Variants in SEC22B observed in about 807,000 individuals in gnomAD.
SEC22B encodes SEC22 homolog B, vesicle trafficking protein.
SEC22B carries 10 observed loss-of-function variants against 31.4 expected under a neutral mutation model. That is an observed-to-expected ratio of 0.32 (90% confidence interval 0.20 to 0.54). The LOEUF is 0.54. SEC22B is among the 20% of genes least tolerant of loss of function. The pLI is 0.94. For missense variants in SEC22B, 130 were observed against 263.4 expected (o/e 0.49, Z 3.50); for synonymous variants, 60 against 95.9 (o/e 0.63, Z 2.19).
intron 2 of SEC22B, among the ~76,000 whole-genome samples, chr1:120,165,300 C>T (rs1657789110): frequency 6.6e-6 from 1 of 152,020 alleles, no homozygotes; most frequent in South Asian, 2.1e-4. Context: ...ACTAATAAGA[C>T]TCCTTAATTT....
chr1:120,168,552 G>C (rs1226723815), intron 2 of SEC22B, among the ~76,000 whole-genome samples: 7 of 151,186 alleles, frequency 4.6e-5, no homozygotes, highest in Admixed American at 2.0e-4. Context: ...TTTGAGCAAG[G>C]GTACTAACCT....
At chr1:120,171,127 C>T (rs1331693619) in intron 1 of SEC22B, among the ~76,000 whole-genome samples, 1 of 132,230 alleles carries the variant, frequency 7.6e-6, no homozygotes, top group East Asian at 2.1e-4. Flanking sequence ...TACTTATGCC[C>T]AGTCTCCACC....
Position 120,163,271 on chromosome 1 carries a change from A to G in SEC22B, c.285T>C (p.Phe95=), listed in dbSNP as rs1273751984. The part of the protein sequence containing the change: ...FAYLEDLHSE[F]DEQHGKKVPT... The stretch of plus-strand genomic sequence containing the variant: ...GCACCTTCTTTCCATGCTGTTCATC[A>G]AATTCTGAGTGCAAATCTTCTAGGT... The change falls in exon 3 of 5, where the codon TTT becomes TTC. Residue 95 remains phenylalanine (F), a synonymous_variant. Coordinates refer to ENST00000578049, the MANE Select transcript of SEC22B (RefSeq NM_004892.6). The G allele has an allele frequency of 6.3e-7, 1 of 1,598,186 alleles. No individual in the cohort carries two copies. The highest frequency in any genetic ancestry group is 2.2e-5 in the East Asian group (1 of 44,590).
At chr1:120,169,979 T>C (rs1657869498) in intron 1 of SEC22B, among the ~76,000 whole-genome samples, 1 of 151,916 alleles carries the variant, frequency 6.6e-6, no homozygotes, top group Non-Finnish European at 1.5e-5. Flanking sequence ...ATGTGATTAG[T>C]ACCTTTATAA....
Position 120,151,324 on chromosome 1 carries a change from G to GA in SEC22B, c.*5713dup, listed in dbSNP as rs1657531749. The GA allele has an allele frequency of 6.6e-6, 1 of 152,212 alleles. No individual in the cohort carries two copies. Among genetic ancestry groups the GA allele is most frequent in the African/African-American group, 2.4e-5 (1 of 41,428 alleles). 9.4% of individuals were successfully genotyped at this position (152,212 alleles called of 1,614,324 possible). ...GAATGGCACAATGGGGCCAGACTGC[G>GA]AATGGCAAACAAGTATGTGATCTTT... is the stretch of plus-strand genomic sequence containing the variant. On this transcript the variant is annotated 3_prime_UTR_variant, in exon 5 of 5. Transcript: ENST00000578049.
At chr1:120,175,435 T>C (rs1657941201) in intron 1 of SEC22B, among the ~76,000 whole-genome samples, 1 of 144,836 alleles carries the variant, frequency 6.9e-6, no homozygotes, top group Non-Finnish European at 1.5e-5. Flanking sequence ...TTAGACTGTA[T>C]GGAAAAGTAA....
chr1:120,152,177 TGAA>T lies in SEC22B; in HGVS notation c.*4858_*4860del, dbSNP rs1657555037. 3 of 151,348 alleles carry T rather than the reference TGAA, an allele frequency of 2.0e-5. No homozygotes were observed. In the South Asian group the frequency reaches 6.3e-4, roughly 32 times the overall value. The allele number at this position is 151,348 out of a possible 1,614,324, so 9.4% of individuals were successfully genotyped here. A position where few individuals can be genotyped will look rare whatever the true frequency, so the allele number is the denominator to read the frequency against. On this transcript the variant is annotated 3_prime_UTR_variant, in exon 5 of 5. Coordinates refer to ENST00000578049, the MANE Select transcript of SEC22B (RefSeq NM_004892.6). ...AGACAAACTAGAGGAGCTTGTTTCT[TGAA>T]GAATTCTTGTCACACTTGACATTTT... is the stretch of plus-strand genomic sequence containing the variant.
intron 1 of SEC22B, among the ~76,000 whole-genome samples, chr1:120,176,067 CT>C (rs1271411847): frequency 2.0e-5 from 3 of 152,236 alleles, no homozygotes; most frequent in Admixed American, 2.0e-4. Context: ...AAAGCTACCA[CT>C]TCTCCAGAGC....
At chr1:120,163,490 G>C in intron 2 of SEC22B, 120 bp from the exon 3 acceptor site, 1 of 517,766 alleles carries the variant, frequency 1.9e-6, no homozygotes, top group Non-Finnish European at 2.9e-6. Context: ...ATACTTTGAG[G>C]CTGGCTAAAC....
chr1:120,157,417 C>A, intron 4 of SEC22B: 1 of 333,482 alleles, frequency 3.0e-6, no homozygotes, highest in East Asian at 4.5e-5. Flanking sequence ...CAGGTTCTGG[C>A]CTCAGACTCT....
In SEC22B at chr1:120,176,440, TC is replaced by T; in HGVS notation, c.-60del. 6.8e-7 allele frequency: 1 copy of T among 1,474,934 alleles called. No homozygotes were observed. Among genetic ancestry groups the T allele is most frequent in the Non-Finnish European group, 9.4e-7 (1 of 1,060,274 alleles). 91.4% of individuals were successfully genotyped at this position (1,474,934 alleles called of 1,614,324 possible). On this transcript the variant is annotated 5_prime_UTR_variant, in exon 1 of 5. Coordinates refer to ENST00000578049, the MANE Select transcript of SEC22B (RefSeq NM_004892.6). ...GAAGGCCCTTGGCGCCGTCCTCACT[TC>T]CTCCGCCGCGACAACAGTTATACCC...
At chr1:120,167,152 C>A (rs1383739828) in intron 2 of SEC22B, among the ~76,000 whole-genome samples, 3 of 150,282 alleles carry the variant, frequency 2.0e-5, no homozygotes, top group African/African-American at 7.4e-5. Context: ...TGCTTTTAGT[C>A]TACACCATCT....
chr1:120,155,200 G>A lies in SEC22B; in HGVS notation c.*1838C>T, dbSNP rs1223687660. ...TAACTAGATAACAAAACTTCACACT[G>A]AAGTGAACATTCTACAAGTATTTAT... On this transcript the variant is annotated 3_prime_UTR_variant, in exon 5 of 5. Coordinates refer to ENST00000578049, the MANE Select transcript of SEC22B (RefSeq NM_004892.6). 6.6e-6 allele frequency: 1 copy of A among 151,994 alleles called. No homozygotes were observed. The highest frequency in any genetic ancestry group is 1.5e-5 in the Non-Finnish European group (1 of 67,954). 9.4% of individuals were successfully genotyped at this position (151,994 alleles called of 1,614,324 possible).
At chr1:120,167,666 G>A (rs1254915293) in intron 2 of SEC22B, among the ~76,000 whole-genome samples, 11 of 151,808 alleles carry the variant, frequency 7.2e-5, no homozygotes, top group Non-Finnish European at 1.3e-4. Context: ...TCTACTAAGA[G>A]AACAGTGTTA....
intron 2 of SEC22B, among the ~76,000 whole-genome samples, chr1:120,163,764 C>T (rs1233720329): frequency 7.9e-5 from 12 of 151,004 alleles, no homozygotes; most frequent in South Asian, 4.2e-4. Context: ...TTAGTAGAGA[C>T]GGGGTTTCAC....
At chr1:120,160,744 C>T (rs1464913304) in intron 3 of SEC22B, among the ~76,000 whole-genome samples, 1 of 151,982 alleles carries the variant, frequency 6.6e-6, no homozygotes, top group Non-Finnish European at 1.5e-5. Flanking sequence ...AAAAAGTTAG[C>T]CAGGCGTGGC....
In SEC22B at chr1:120,160,902, A is replaced by C. The variant is rs1423614326; in HGVS notation, c.347-372T>G. 6.6e-5 allele frequency among the ~76,000 whole-genome samples: 10 copies of C among 151,902 alleles called. No individual in the cohort carries two copies. The East Asian group carries it at 1.5e-3, about 23-fold the overall frequency. ...GCAAGACTCTGTCTCAAAAACAAAA[A>C]AAAAAAAACCAAAACAGTTCTGAGT... is the stretch of plus-strand genomic sequence containing the variant. On this transcript the variant is annotated intron_variant, in intron 3 of 4. Transcript: ENST00000578049.
At chr1:120,160,091 A>G (rs1657688522) in intron 4 of SEC22B, among the ~76,000 whole-genome samples, 1 of 147,960 alleles carries the variant, frequency 6.8e-6, no homozygotes, top group Non-Finnish European at 1.5e-5. Context: ...GTTTTCTCTC[A>G]TTCATTTCCC....
In SEC22B at chr1:120,151,236, C is replaced by T. The variant is rs1338419287; in HGVS notation, c.*5802G>A. ...TAAAATGTTTGACTGGTTAGAGACG[C>T]TAGATTATTTTGTGTGGCTAAGACA... On this transcript the variant is annotated 3_prime_UTR_variant, in exon 5 of 5. Transcript: ENST00000578049. 6.6e-6 allele frequency: 1 copy of T among 152,076 alleles called. No individual in the cohort carries two copies. The highest frequency in any genetic ancestry group is 1.5e-5 in the Non-Finnish European group (1 of 68,014). 9.4% of individuals were successfully genotyped at this position (152,076 alleles called of 1,614,324 possible). A position where few individuals can be genotyped will look rare whatever the true frequency, so the allele number is the denominator to read the frequency against.
Sources: gnomAD v4.1 joint callset for allele counts (sites outside exome capture counted in the v4.1 genomes callset) on GRCh38, gnomAD v4.1.1 for gene constraint, MANE v1.5 for transcripts, NCBI Gene and HGNC (gene_info 2026-07-23, HGNC 2026-07-21) for gene names.